The following SPATS2L variants were observed in gnomAD, a reference collection of about 807,000 sequenced individuals.
SPATS2L encodes spermatogenesis associated serine rich 2 like.
SPATS2L carries 30 observed loss-of-function variants against 59.6 expected under a neutral mutation model. The observed-to-expected ratio is 0.50, with a 90% CI of 0.38 to 0.68. The LOEUF (loss-of-function observed/expected upper bound fraction) is 0.68. Among genes scored for constraint, SPATS2L ranks in the 30% least tolerant of loss-of-function variants. The pLI, the probability that SPATS2L is intolerant of heterozygous loss-of-function variation, is 0.00. For synonymous variants in SPATS2L, 252 were observed against 263.5 expected (o/e 0.96, Z 0.42); for missense variants, 615 against 700.0 (o/e 0.88, Z 1.37).
At chr2:200,469,832 AG>A in intron 10 of SPATS2L, 81 bp from the exon 11 acceptor site, 1 of 1,035,900 alleles carries the variant, frequency 9.7e-7, no homozygotes, top group South Asian at 1.5e-5. Context: ...GGACACCGGA[AG>A]AGCAGAGTGA....
intron 2 of SPATS2L, among the ~76,000 whole-genome samples, chr2:200,360,231 C>T (rs1328820714): frequency 6.6e-6 from 1 of 152,180 alleles, no homozygotes; most frequent in African/African-American, 2.4e-5. Flanking sequence ...CATTTATTCT[C>T]TTCTTCAAAA....
At chr2:200,318,148 G>A (rs549916846) in intron 1 of SPATS2L, among the ~76,000 whole-genome samples, 16 of 152,306 alleles carry the variant, frequency 1.1e-4, no homozygotes, top group Admixed American at 6.5e-5. Flanking sequence ...TGCCCTGATC[G>A]ACAAGTGTTT....
intron 1 of SPATS2L, among the ~76,000 whole-genome samples, chr2:200,314,267 T>C (rs185231090): frequency 6.6e-6 from 1 of 152,332 alleles, no homozygotes; most frequent in African/African-American, 2.4e-5. Context: ...CAGGACAACT[T>C]CTTTGCCTTC....
intron 1 of SPATS2L, among the ~76,000 whole-genome samples, chr2:200,326,798 G>A (rs773721599): frequency 6.6e-5 from 10 of 151,948 alleles, no homozygotes; most frequent in Non-Finnish European, 1.3e-4. Context: ...TACAATCTCG[G>A]CTTACTGCAA....
At chr2:200,385,363 T>G (rs1315315682) in intron 2 of SPATS2L, among the ~76,000 whole-genome samples, 1 of 152,222 alleles carries the variant, frequency 6.6e-6, no homozygotes, top group East Asian at 1.9e-4. Flanking sequence ...AAAAGTTCCT[T>G]GACTACTTTA....
At chr2:200,467,480 T>A in intron 10 of SPATS2L, 81 bp downstream of exon 10, 2 of 981,308 alleles carry the variant, frequency 2.0e-6, no homozygotes, top group Non-Finnish European at 3.2e-6. Flanking sequence ...CACAGAGTTC[T>A]GCTCTCTGAG....
chr2:200,353,125 A>C (rs1008777189), intron 2 of SPATS2L, among the ~76,000 whole-genome samples: 2 of 152,244 alleles, frequency 1.3e-5, no homozygotes, highest in Non-Finnish European at 2.9e-5. Context: ...AAAACACAGA[A>C]AAATTTTCAA....
intron 1 of SPATS2L, among the ~76,000 whole-genome samples, chr2:200,318,016 T>C (rs1323537567): frequency 6.6e-6 from 1 of 152,208 alleles, no homozygotes. Flanking sequence ...ATGATTTTGA[T>C]TGGAGGCAAT....
At chr2:200,360,450 AC>A (rs1027946745) in intron 2 of SPATS2L, among the ~76,000 whole-genome samples, 2 of 152,186 alleles carry the variant, frequency 1.3e-5, no homozygotes, top group African/African-American at 4.8e-5. Context: ...CCCCTTCTCT[AC>A]CTCTGTCCTC....
chr2:200,328,699 G>A (rs893003994), intron 1 of SPATS2L, among the ~76,000 whole-genome samples: 1 of 152,182 alleles, frequency 6.6e-6, no homozygotes, highest in Non-Finnish European at 1.5e-5. Flanking sequence ...ACTCAGCAGA[G>A]CATTAGAGAC....
intron 2 of SPATS2L, among the ~76,000 whole-genome samples, chr2:200,379,625 A>T (rs1297290929): frequency 6.6e-6 from 1 of 152,172 alleles, no homozygotes; most frequent in East Asian, 1.9e-4. Context: ...GCTCTGGAGT[A>T]TAAAGAACTA....
At chr2:200,320,001 G>A (rs940268164) in intron 1 of SPATS2L, among the ~76,000 whole-genome samples, 7 of 152,110 alleles carry the variant, frequency 4.6e-5, no homozygotes, top group South Asian at 2.1e-4. Context: ...TTGCACACTT[G>A]GAAATGTTAC....
At chr2:200,455,024 G>A (rs2085737986) in intron 8 of SPATS2L, among the ~76,000 whole-genome samples, 1 of 152,198 alleles carries the variant, frequency 6.6e-6, no homozygotes, top group African/African-American at 2.4e-5. Flanking sequence ...CAAACCTTGT[G>A]TGTTTGGTGA....
At chr2:200,418,498 C>T (rs1559113682) in intron 5 of SPATS2L, among the ~76,000 whole-genome samples, 1 of 151,886 alleles carries the variant, frequency 6.6e-6, no homozygotes, top group Non-Finnish European at 1.5e-5. Context: ...CGCTTATGCC[C>T]AGGGGGTTGA....
intron 6 of SPATS2L, 38 bp from the exon 7 acceptor site, chr2:200,439,084 T>C (rs756402347): frequency 1.3e-6 from 2 of 1,565,836 alleles, no homozygotes; most frequent in South Asian, 2.2e-5. Flanking sequence ...TGTTTTTAGT[T>C]TATCACTTCA....
intron 12 of SPATS2L, among the ~76,000 whole-genome samples, chr2:200,474,529 C>T (rs998928713): frequency 1.3e-5 from 2 of 151,986 alleles, no homozygotes; most frequent in African/African-American, 4.8e-5. Flanking sequence ...TGTCAAATTC[C>T]TGGGCTCAAG....
chr2:200,306,614 G>C (rs776508799), upstream of SPATS2L: 8 of 996,120 alleles, frequency 8.0e-6, no homozygotes, highest in African/African-American at 8.7e-5. Context: ...GAGTGACACC[G>C]AGGGGAAGGC....
chr2:200,410,497 G>A (rs569679820), intron 3 of SPATS2L, among the ~76,000 whole-genome samples: 6 of 152,120 alleles, frequency 3.9e-5, no homozygotes, highest in Non-Finnish European at 7.3e-5. Context: ...GGCCCTGTAC[G>A]ATCTGGTCCC....
At chr2:200,466,729 T>C (rs1220633599) in intron 9 of SPATS2L, among the ~76,000 whole-genome samples, 2 of 152,188 alleles carry the variant, frequency 1.3e-5, no homozygotes, top group East Asian at 3.8e-4. Context: ...TGGAAACATA[T>C]CTGCAGAGTA....
Sources: gnomAD v4.1 joint callset for allele counts (sites outside exome capture counted in the v4.1 genomes callset) on GRCh38, gnomAD v4.1.1 for gene constraint, MANE v1.5 for transcripts, NCBI Gene and HGNC (gene_info 2026-07-23, HGNC 2026-07-21) for gene names.